Variants in AKR1B1 observed in about 807,000 individuals in gnomAD.
The protein encoded by AKR1B1 is aldo-keto reductase family 1 member B1.
In AKR1B1, 22 loss-of-function variants were observed where a neutral mutation model predicts 40.4. The ratio of observed to expected loss-of-function variants is 0.54; its 90% CI spans 0.39 to 0.78. The LOEUF (loss-of-function observed/expected upper bound fraction) is 0.78. Ranked by LOEUF, AKR1B1 falls within the 30% of genes least tolerant of loss-of-function variation. The pLI is 0.00. For synonymous variants in AKR1B1, 157 were observed against 149.9 expected (o/e 1.05, Z -0.35); for missense variants, 357 against 396.7 (o/e 0.90, Z 0.85).
intron 1 of AKR1B1, among the ~76,000 whole-genome samples, chr7:134,456,738 A>G (rs1162246338): frequency 6.6e-6 from 1 of 151,752 alleles, no homozygotes; most frequent in African/African-American, 2.4e-5. Context: ...TATATTTGCC[A>G]GGCACTGTGA....
At chr7:134,444,958 G>T in intron 9 of AKR1B1, 1 of 552,284 alleles carries the variant, frequency 1.8e-6, no homozygotes, top group Non-Finnish European at 3.3e-6. Flanking sequence ...GAACTGCTAG[G>T]ATTTAAAAAT....
At chr7:134,443,769 T>C (rs1001460589) in intron 9 of AKR1B1, among the ~76,000 whole-genome samples, 16 of 152,086 alleles carry the variant, frequency 1.1e-4, no homozygotes, top group African/African-American at 3.4e-4. Context: ...GTAACTCTTA[T>C]TCAAAAGTTC....
chr7:134,454,908 T>C (rs1385922846), intron 1 of AKR1B1, among the ~76,000 whole-genome samples: 1 of 152,210 alleles, frequency 6.6e-6, no homozygotes, highest in Non-Finnish European at 1.5e-5. Context: ...TCCAACTAGT[T>C]GAGATGTGCA....
chr7:134,451,343 C>T, intron 2 of AKR1B1: 1 of 592,188 alleles, frequency 1.7e-6, no homozygotes, highest in Non-Finnish European at 3.0e-6. Flanking sequence ...AGGGCCAATC[C>T]ACAACCTCAG....
chr7:134,456,027 C>G (rs1383847120), intron 1 of AKR1B1, among the ~76,000 whole-genome samples: 1 of 152,160 alleles, frequency 6.6e-6, no homozygotes. Context: ...CAGAGCCCTG[C>G]TGAGGGTCTG....
intron 6 of AKR1B1, 102 bp from the exon 7 acceptor site, chr7:134,448,163 C>T (rs941852913): frequency 4.9e-6 from 5 of 1,025,820 alleles, no homozygotes; most frequent in Middle Eastern, 3.0e-4. Flanking sequence ...AGGGCAGCCA[C>T]CAGTCTCCTC....
intron 3 of AKR1B1, 29 bp downstream of exon 3, chr7:134,450,757 G>C (rs559336093): frequency 6.3e-7 from 1 of 1,580,086 alleles, no homozygotes; most frequent in South Asian, 1.1e-5. Flanking sequence ...GAGCCCCAAG[G>C]GACCTGGTCT....
intron 2 of AKR1B1, chr7:134,451,178 T>C (rs1448870520): frequency 7.1e-6 from 4 of 561,512 alleles, no homozygotes; most frequent in African/African-American, 5.6e-5. Flanking sequence ...CTCGAAACTT[T>C]CCCCCCGGGC....
intron 7 of AKR1B1, 198 bp from the exon 8 acceptor site, chr7:134,447,579 G>T (rs557905336): frequency 3.8e-4 from 250 of 662,476 alleles, no homozygotes; most frequent in Non-Finnish European, 6.1e-4. Context: ...AGAGTCCTGC[G>T]CTAGCCACTG....
chr7:134,451,806 G>A, intron 1 of AKR1B1, 53 bp from the exon 2 acceptor site: 2 of 1,593,132 alleles, frequency 1.3e-6, no homozygotes, highest in Non-Finnish European at 1.7e-6. Context: ...GCACAGCAAG[G>A]AGGAGGGGCA....
chr7:134,459,080 G>T lies in AKR1B1; in HGVS notation c.-18C>A, dbSNP rs1341639349. 2 of 1,597,442 alleles carry T rather than the reference G, an allele frequency of 1.3e-6. No homozygotes were observed. The highest frequency in any genetic ancestry group is 1.3e-5 in the African/African-American group (1 of 74,732). On this transcript the variant is annotated 5_prime_UTR_variant, in exon 1 of 10. It adds an upstream start codon to the 5' untranslated region. Coordinates refer to ENST00000285930, the MANE Select transcript of AKR1B1 (RefSeq NM_001628.4). ...CTTGCCATGGCTGCTGCGCTCCCCA[G>T]ACCCCCGCCCAGTACGGTGCGGCCT...
rs1373512049 is a variant in AKR1B1 at position 134,448,994 on chromosome 7, T to G, written c.552+3A>C. 1.2e-6 allele frequency: 2 copies of G among 1,613,980 alleles called. No individual in the cohort carries two copies. Among genetic ancestry groups the G allele is most frequent in the Non-Finnish European group, 1.7e-6 (2 of 1,180,010 alleles). On this transcript the variant is annotated splice_donor_region_variant and intron_variant, in intron 5 of 9. Coordinates refer to ENST00000285930, the MANE Select transcript of AKR1B1 (RefSeq NM_001628.4). ...AATGCCAGTGTCGTTGGGGGATGTT[T>G]ACCTGGTTAACTGCAGGCTTATACT...
In AKR1B1 at chr7:134,447,370, C is replaced by T; in HGVS notation, c.753G>A (p.Arg251=). Residue 251 remains arginine, a synonymous_variant, in exon 8 of 10, where the codon CGG becomes CGA. Coordinates refer to ENST00000285930, the MANE Select transcript of AKR1B1 (RefSeq NM_001628.4). ...HNKTTAQVLI[R]FPMQRNLVVI... ...CCACCAAGTTCCTCTGCATGGGGAACCGGATCAGGACCTGTGAGCCCAAGG... is the reference window on the plus strand; with the variant it reads ...CCACCAAGTTCCTCTGCATGGGGAATCGGATCAGGACCTGTGAGCCCAAGG... 6.2e-7 allele frequency: 1 copy of T among 1,614,044 alleles called. No homozygotes were observed. The highest frequency in any genetic ancestry group is 8.5e-7 in the Non-Finnish European group (1 of 1,179,996).
intron 6 of AKR1B1, 118 bp downstream of exon 6, chr7:134,448,267 GCT>G: frequency 1.0e-6 from 1 of 998,198 alleles, no homozygotes; most frequent in Non-Finnish European, 1.6e-6. Flanking sequence ...CCAGCAAGAG[GCT>G]CAGGGGAAGT....
intron 1 of AKR1B1, among the ~76,000 whole-genome samples, chr7:134,457,917 T>C (rs1213298998): frequency 6.6e-6 from 1 of 152,118 alleles, no homozygotes; most frequent in African/African-American, 2.4e-5. Flanking sequence ...GGAGGATCAC[T>C]TGAGCCCAGG....
At chr7:134,450,143 G>C (rs2117455669) in intron 3 of AKR1B1, among the ~76,000 whole-genome samples, 1 of 152,306 alleles carries the variant, frequency 6.6e-6, no homozygotes, top group African/African-American at 2.4e-5. Context: ...AGCCTCCCCA[G>C]CTTACCCCTA....
chr7:134,455,931 C>T (rs547909840), intron 1 of AKR1B1, among the ~76,000 whole-genome samples: 1 of 152,258 alleles, frequency 6.6e-6, no homozygotes, highest in Non-Finnish European at 1.5e-5. Context: ...CCACATGGGT[C>T]TGGGGCAGAG....
chr7:134,450,938 G>A (rs1471583276), intron 2 of AKR1B1, 36 bp from the exon 3 acceptor site: 1 of 1,553,984 alleles, frequency 6.4e-7, no homozygotes, highest in Non-Finnish European at 8.9e-7. Context: ...ATCATTGCCA[G>A]CCACAAGGCA....
intron 8 of AKR1B1, among the ~76,000 whole-genome samples, chr7:134,446,147 T>G (rs1034293565): frequency 6.6e-6 from 1 of 152,284 alleles, no homozygotes; most frequent in Non-Finnish European, 1.5e-5. Context: ...GTCATTTATT[T>G]TTTCTTTCCT....
Sources: allele counts gnomAD v4.1 joint callset (sites outside exome capture counted in the v4.1 genomes callset), GRCh38; gene constraint gnomAD v4.1.1; transcripts MANE v1.5; gene names NCBI Gene and HGNC (gene_info 2026-07-23, HGNC 2026-07-21).